OPCML: variants seen among roughly 807,000 people sequenced by gnomAD.
The protein encoded by OPCML is opioid binding protein/cell adhesion molecule like.
OPCML carries 13 observed loss-of-function variants against 37.8 expected under a neutral mutation model. The observed-to-expected ratio is 0.34, with a 90% confidence interval of 0.22 to 0.55. OPCML has a LOEUF of 0.55. Ranked by LOEUF, OPCML falls within the 20% of genes least tolerant of loss-of-function variation. The pLI, the probability that OPCML is intolerant of heterozygous loss-of-function variation, is 0.91. For missense variants in OPCML, 341 were observed against 435.6 expected, an observed-to-expected ratio of 0.78 and a Z score of 1.93; for synonymous variants, 176 against 168.8, an observed-to-expected ratio of 1.04 and a Z score of -0.33.
chr11:133,319,082 C>T (rs530260295), intron 1 of OPCML, among the ~76,000 whole-genome samples: 1 of 152,090 alleles, frequency 6.6e-6, no homozygotes, highest in South Asian at 2.1e-4. Context: ...ATATTGATGT[C>T]GATATTCACA....
intron 3 of OPCML, among the ~76,000 whole-genome samples, chr11:132,592,906 A>G (rs1249107472): frequency 6.6e-6 from 1 of 152,186 alleles, no homozygotes; most frequent in African/African-American, 2.4e-5. Context: ...TTTCCATTCT[A>G]TTGTAGGTGT....
intron 2 of OPCML, among the ~76,000 whole-genome samples, chr11:132,816,432 T>C (rs1471866315): frequency 6.6e-6 from 1 of 152,234 alleles, no homozygotes; most frequent in South Asian, 2.1e-4. Context: ...TTAAATTTTA[T>C]ATGATTTTAT....
chr11:133,222,582 GGATATA>G (rs1939883499), intron 1 of OPCML, among the ~76,000 whole-genome samples: 1 of 152,150 alleles, frequency 6.6e-6, no homozygotes, highest in Admixed American at 6.5e-5. Context: ...CAGCACTTAA[GGATATA>G]AACACCAGCC....
rs577255549 is a variant in OPCML at position 133,497,108 on chromosome 11, A to G, written c.61+35156T>C. On this transcript the variant is annotated intron_variant, in intron 1 of 7. Coordinates refer to ENST00000524381, the MANE Select transcript of OPCML (RefSeq NM_001012393.5). ...CGATTTTGCTGAGAGTTTTAATCAT[A>G]AAGGGATGCTGGATTTTGTCTAATG... 2.6e-5 allele frequency among the ~76,000 whole-genome samples: 4 copies of G among 152,276 alleles called. No homozygotes were observed. The East Asian group carries it at 7.7e-4, about 29-fold the overall frequency.
At chr11:133,133,836 C>A (rs1411304605) in intron 1 of OPCML, among the ~76,000 whole-genome samples, 1 of 152,070 alleles carries the variant, frequency 6.6e-6, no homozygotes, top group African/African-American at 2.4e-5. Flanking sequence ...TAAAGCAGAA[C>A]TCATTCATTC....
intron 2 of OPCML, among the ~76,000 whole-genome samples, chr11:132,885,319 A>G (rs537345001): frequency 5.9e-5 from 9 of 152,348 alleles, no homozygotes; most frequent in African/African-American, 1.7e-4. Flanking sequence ...TCAAGTGTTC[A>G]GTCATCTAAA....
intron 1 of OPCML, among the ~76,000 whole-genome samples, chr11:133,353,493 G>A (rs1216047396): frequency 6.6e-6 from 1 of 152,126 alleles, no homozygotes; most frequent in African/African-American, 2.4e-5. Context: ...CATCTTTAGG[G>A]ATGAGGGGGA....
intron 1 of OPCML, among the ~76,000 whole-genome samples, chr11:133,185,301 A>T (rs1938021479): frequency 6.6e-6 from 1 of 152,204 alleles, no homozygotes; most frequent in Non-Finnish European, 1.5e-5. Context: ...TTGATTTCCC[A>T]CACTAAAAGG....
rs1417868587 is a variant in OPCML at position 132,417,342 on chromosome 11, C to A, written c.*2851G>T. 1 of 152,248 alleles carries A rather than the reference C, an allele frequency of 6.6e-6. No individual in the cohort carries two copies. The highest frequency in any genetic ancestry group is 2.4e-5 in the African/African-American group (1 of 41,466). The allele number at this position is 152,248 out of a possible 1,614,324, so 9.4% of individuals were successfully genotyped here. A position where few individuals can be genotyped will look rare whatever the true frequency, so the allele number is the denominator to read the frequency against. On this transcript the variant is annotated 3_prime_UTR_variant, in exon 8 of 8. Coordinates refer to ENST00000524381, the MANE Select transcript of OPCML (RefSeq NM_001012393.5). ...AGAAATATGTCTGTTGTGAAGAAGTCATTTTCACTCCCAGTGAGTACCCCA... is the reference window on the plus strand; with the variant it reads ...AGAAATATGTCTGTTGTGAAGAAGTAATTTTCACTCCCAGTGAGTACCCCA...
chr11:133,110,318 T>G (rs1345622803), intron 1 of OPCML, among the ~76,000 whole-genome samples: 1 of 152,244 alleles, frequency 6.6e-6, no homozygotes, highest in Non-Finnish European at 1.5e-5. Context: ...TAAATATTGA[T>G]GAACAAATGT....
chr11:132,719,411 C>T (rs1944602606), intron 2 of OPCML, among the ~76,000 whole-genome samples: 2 of 152,312 alleles, frequency 1.3e-5, no homozygotes, highest in Admixed American at 6.5e-5. Flanking sequence ...GTCAATGTGT[C>T]AACGCTGCTC....
At chr11:133,138,094 T>C (rs534779873) in intron 1 of OPCML, among the ~76,000 whole-genome samples, 1 of 152,182 alleles carries the variant, frequency 6.6e-6, no homozygotes, top group Non-Finnish European at 1.5e-5. Flanking sequence ...CATGAATAGA[T>C]TAATGCTTTC....
At chr11:132,676,789 G>GAAAAA (rs1196087295) in intron 2 of OPCML, among the ~76,000 whole-genome samples, 1 of 93,808 alleles carries the variant, frequency 1.1e-5, no homozygotes, top group Admixed American at 1.1e-4. Context: ...AAACAAACAA[G>GAAAAA]AAAAAAAAAA....
chr11:132,841,959 T>C (rs1941311879), intron 2 of OPCML, among the ~76,000 whole-genome samples: 1 of 145,786 alleles, frequency 6.9e-6, no homozygotes, highest in African/African-American at 2.5e-5. Context: ...CCCAGGTCAA[T>C]CCATCTGCAT....
intron 2 of OPCML, among the ~76,000 whole-genome samples, chr11:132,789,654 T>G (rs547821977): frequency 1.4e-4 from 22 of 152,076 alleles, no homozygotes; most frequent in Non-Finnish European, 1.0e-4. Flanking sequence ...AGAACAATAT[T>G]TTGCATGGGA....
intron 1 of OPCML, among the ~76,000 whole-genome samples, chr11:133,519,199 C>T (rs945369296): frequency 6.6e-6 from 1 of 152,194 alleles, no homozygotes; most frequent in Non-Finnish European, 1.5e-5. Context: ...CCTAGTCCCA[C>T]TTTCTTCCTA....
intron 7 of OPCML, among the ~76,000 whole-genome samples, chr11:132,429,117 A>G (rs981499399): frequency 6.6e-6 from 1 of 152,128 alleles, no homozygotes; most frequent in African/African-American, 2.4e-5. Flanking sequence ...TCTGGGACAC[A>G]GGGGGCCCAG....
At chr11:133,377,527 C>T (rs1315691131) in intron 1 of OPCML, among the ~76,000 whole-genome samples, 1 of 151,124 alleles carries the variant, frequency 6.6e-6, no homozygotes, top group Non-Finnish European at 1.5e-5. Context: ...CAGGCCCCAG[C>T]AGCTGTGGGT....
At chr11:132,574,841 T>C (rs2096446692) in intron 3 of OPCML, among the ~76,000 whole-genome samples, 1 of 151,988 alleles carries the variant, frequency 6.6e-6, no homozygotes, top group African/African-American at 2.4e-5. Context: ...CTGTCCGGCA[T>C]CAAAAGTGGA....
Sources: allele counts gnomAD v4.1 joint callset (sites outside exome capture counted in the v4.1 genomes callset), GRCh38; gene constraint gnomAD v4.1.1; transcripts MANE v1.5; gene names NCBI Gene and HGNC (gene_info 2026-07-23, HGNC 2026-07-21).